IGSF8: variants seen among roughly 807,000 people sequenced by gnomAD.
IGSF8 encodes the protein immunoglobulin superfamily member 8.
A neutral mutation model predicts 55.5 loss-of-function variants in IGSF8; 46 were observed. The observed-to-expected ratio is 0.83, with a 90% CI of 0.65 to 1.06. IGSF8 has a LOEUF of 1.06. Ranked by LOEUF, IGSF8 falls within the 50% of genes least tolerant of loss-of-function variation. IGSF8 has a pLI of 0.00. For synonymous variants in IGSF8, 314 were observed against 356.1 expected (o/e 0.88, Z 1.33); for missense variants, 731 against 832.3 (o/e 0.88, Z 1.50).
In IGSF8 at chr1:160,092,977, C is replaced by T. The variant is rs767148569; in HGVS notation, c.1259G>A (p.Arg420His). The T allele has an allele frequency of 5.5e-5, 88 of 1,611,054 alleles. No homozygotes were observed. Among genetic ancestry groups the T allele is most frequent in the African/African-American group, 1.2e-4 (9 of 74,878 alleles). ...AYVRGSGTRL[R>H]EAASARSRPL... ...CCGGGAACGGGCACTGGCTGCTTCA[C>T]GAAGCCGGGTCCCAGACCCTCGAAC... Residue 420 changes from arginine to histidine, a missense_variant, in exon 4 of 7, where the codon CGT becomes CAT. Transcript: ENST00000314485.
At chr1:160,093,645 C>T in intron 3 of IGSF8, 65 bp downstream of exon 3, 1 of 1,331,752 alleles carries the variant, frequency 7.5e-7, no homozygotes, top group Non-Finnish European at 1.0e-6. Flanking sequence ...CCCCCTGTGG[C>T]CACAGTGCCC....
chr1:160,097,579 T>C (rs1236631577), intron 1 of IGSF8: 1 of 547,838 alleles, frequency 1.8e-6, no homozygotes, highest in African/African-American at 2.1e-5. Flanking sequence ...AGTTTCACTG[T>C]CTCCATGCCA....
chr1:160,094,199 G>C lies in IGSF8; in HGVS notation c.443-28C>G. On this transcript the variant is annotated intron_variant, in intron 2 of 6. Coordinates refer to ENST00000314485, the MANE Select transcript of IGSF8 (RefSeq NM_052868.6). This position sits in a 1 kb window ranked among gnomAD's most constrained non-coding sequence, Gnocchi z 4.0. ...GGAGAGAACAGCTGGAGTGAGGGAGGGCTGGGAGCTGGCAGCCCTTGTTAC... is the reference window on the plus strand; with the variant it reads ...GGAGAGAACAGCTGGAGTGAGGGAGCGCTGGGAGCTGGCAGCCCTTGTTAC... 2.0e-6 allele frequency: 3 copies of C among 1,471,588 alleles called. No homozygotes were observed. The highest frequency in any genetic ancestry group is 2.8e-6 in the Non-Finnish European group (3 of 1,080,884). The allele number at this position is 1,471,588 out of a possible 1,614,324, so 91.2% of individuals were successfully genotyped here. A position where few individuals can be genotyped will look rare whatever the true frequency, so the allele number is the denominator to read the frequency against.
chr1:160,097,302 CA>C (rs1650499310), intron 1 of IGSF8, among the ~76,000 whole-genome samples: 1 of 152,218 alleles, frequency 6.6e-6, no homozygotes, highest in African/African-American at 2.4e-5. Context: ...CTAGGCAACC[CA>C]GGCCCCACAG....
At chr1:160,091,975 A>G (rs1213730517) in intron 5 of IGSF8, 37 bp from the exon 6 acceptor site, 1 of 1,360,288 alleles carries the variant, frequency 7.4e-7, no homozygotes, top group Non-Finnish European at 1.1e-6. Flanking sequence ...AGAGGATGCC[A>G]TCATCCTCCA....
At position 160,095,249 on chromosome 1, in the gene IGSF8, G is replaced by T; in HGVS notation, c.65-3C>A. The stretch of plus-strand genomic sequence containing the variant: ...CTCCCGGGCCCAGCATCCCATTCCT[G>T]TAGGGAAAGGCAGAAGGAGTTGGAG... On this transcript the variant is annotated splice_polypyrimidine_tract_variant and splice_region_variant and intron_variant, in intron 1 of 6. Transcript: ENST00000314485. 1 of 1,597,720 alleles carries T rather than the reference G, an allele frequency of 6.3e-7. No homozygotes were observed. Among genetic ancestry groups the T allele is most frequent in the Non-Finnish European group, 8.5e-7 (1 of 1,177,258 alleles).
chr1:160,091,616 G>A lies in IGSF8; in HGVS notation c.*16-8C>T. 1.7e-6 allele frequency: 1 copy of A among 579,070 alleles called. No homozygotes were observed. The highest frequency in any genetic ancestry group is 3.1e-6 in the Non-Finnish European group (1 of 319,578). 35.9% of individuals were successfully genotyped at this position (579,070 alleles called of 1,614,324 possible). A position where few individuals can be genotyped will look rare whatever the true frequency, so the allele number is the denominator to read the frequency against. ...AGTCGACACCTGCAAGACCTGAAAAGGGTGCCCGGTGTGGGCTAAGGACAG... is the reference window on the plus strand; with the variant it reads ...AGTCGACACCTGCAAGACCTGAAAAAGGTGCCCGGTGTGGGCTAAGGACAG... On this transcript the variant is annotated splice_region_variant and splice_polypyrimidine_tract_variant and intron_variant, in intron 6 of 6. Transcript: ENST00000314485.
chr1:160,093,825 C>A lies in IGSF8; in HGVS notation c.789G>T (p.Gly263=). The A allele has an allele frequency of 6.2e-7, 1 of 1,614,102 alleles. No homozygotes were observed. Among genetic ancestry groups the A allele is most frequent in the Non-Finnish European group, 8.5e-7 (1 of 1,179,942 alleles). The part of the protein sequence containing the change: ...YRMVVGGAQA[G]DAGTYHCTAA... ...CAGTGCAGTGGTAGGTGCCTGCGTC[C>A]CCTGCCTGGGCACCCCCTACTACCA... is the stretch of plus-strand genomic sequence containing the variant. Residue 263 remains glycine, a synonymous_variant, in exon 3 of 7, where the codon GGG becomes GGT. Transcript: ENST00000314485.
At chr1:160,096,177 A>G (rs1218486850) in intron 1 of IGSF8, among the ~76,000 whole-genome samples, 4 of 152,032 alleles carry the variant, frequency 2.6e-5, no homozygotes, top group Non-Finnish European at 5.9e-5. Context: ...TACTCCTGGC[A>G]GACTTAGAGG....
rs993753024 is a variant in IGSF8, at chr1:160,098,493, G to T, written c.-21C>A. On this transcript the variant is annotated 5_prime_UTR_variant, in exon 1 of 7. Transcript: ENST00000314485. ...CCCATCCTGCGCGGCCAGCTCTGGG[G>T]AGGCTCCGGGGGATGGCGCGGGTTC... 1.3e-6 allele frequency: 2 copies of T among 1,526,672 alleles called. No individual in the cohort carries two copies. Among genetic ancestry groups the T allele is most frequent in the Non-Finnish European group, 1.8e-6 (2 of 1,137,648 alleles). The allele number at this position is 1,526,672 out of a possible 1,614,324, so 94.6% of individuals were successfully genotyped here.
chr1:160,095,703 T>C (rs748687922), intron 1 of IGSF8, among the ~76,000 whole-genome samples: 4 of 152,202 alleles, frequency 2.6e-5, no homozygotes, highest in African/African-American at 4.8e-5. Context: ...GCAGTCTTGC[T>C]CAGAAGTGCT....
rs1408630818 is a variant in IGSF8, at chr1:160,091,804, T to A, written c.*15+4A>T. On this transcript the variant is annotated splice_donor_region_variant and intron_variant, in intron 6 of 6. Transcript: ENST00000314485. ...AACAAGGTTGGGGGGTTCTTTTCCC[T>A]CACCTGGGGAGTAAGGGATCACCGT... is the stretch of plus-strand genomic sequence containing the variant. The A allele has an allele frequency of 2.5e-6, 4 of 1,575,052 alleles. No homozygotes were observed. In the South Asian group the frequency reaches 4.4e-5, roughly 17 times the overall value.
At chr1:160,093,570 T>A in intron 3 of IGSF8, 140 bp downstream of exon 3, 1 of 816,430 alleles carries the variant, frequency 1.2e-6, no homozygotes, top group Middle Eastern at 2.6e-4. Flanking sequence ...GGGAGAGAAA[T>A]GCTAGCAAGG....
chr1:160,097,764 G>C, intron 1 of IGSF8: 1 of 985,446 alleles, frequency 1.0e-6, no homozygotes. Flanking sequence ...CATGGAACCT[G>C]GTTTCTCCTG....
rs1410903798 is a variant in IGSF8 at position 160,091,787 on chromosome 1, TG to T, written c.*15+20del. ...GTGGGAAGCCCAATGAAAACAAGGT[TG>T]GGGGGTTCTTTTCCCTCACCTGGGG... On this transcript the variant is annotated intron_variant, in intron 6 of 6. Transcript: ENST00000314485. 1.4e-6 allele frequency: 2 copies of T among 1,476,616 alleles called. No homozygotes were observed. Among genetic ancestry groups the T allele is most frequent in the Non-Finnish European group, 1.9e-6 (2 of 1,054,540 alleles). The allele number at this position is 1,476,616 out of a possible 1,614,324, so 91.5% of individuals were successfully genotyped here.
Position 160,093,834 on chromosome 1 carries a change from G to A in IGSF8, c.780C>T (p.Ala260=). The change falls in exon 3 of 7, where the codon GCC becomes GCT. Residue 260 remains alanine, a synonymous_variant. Coordinates refer to ENST00000314485, the MANE Select transcript of IGSF8 (RefSeq NM_052868.6). ...TDRYRMVVGG[A]QAGDAGTYHC... ...GGTAGGTGCCTGCGTCCCCTGCCTGGGCACCCCCTACTACCATGCGGTACC... is the reference window on the plus strand; with the variant it reads ...GGTAGGTGCCTGCGTCCCCTGCCTGAGCACCCCCTACTACCATGCGGTACC... 6.2e-7 allele frequency: 1 copy of A among 1,614,132 alleles called. No individual in the cohort carries two copies. The highest frequency in any genetic ancestry group is 8.5e-7 in the Non-Finnish European group (1 of 1,180,006).
intron 6 of IGSF8, 70 bp from the exon 7 acceptor site, chr1:160,091,678 C>G: frequency 1.5e-6 from 1 of 673,686 alleles, no homozygotes; most frequent in Non-Finnish European, 2.7e-6. Flanking sequence ...GCCTCCACCC[C>G]TTAACAGGGC....
rs778667138 is a variant in IGSF8 at position 160,093,809 on chromosome 1, G to A, written c.805C>T (p.His269Tyr). 10 of 1,614,074 alleles carry A rather than the reference G, an allele frequency of 6.2e-6. No homozygotes were observed. The highest frequency in any genetic ancestry group is 7.6e-6 in the Non-Finnish European group (9 of 1,179,966). The change falls in exon 3 of 7, where the codon CAC becomes TAC. Residue 269 changes from histidine to tyrosine, a missense_variant. His to Tyr is a moderately conservative substitution (Grantham distance 83). Coordinates refer to ENST00000314485, the MANE Select transcript of IGSF8 (RefSeq NM_052868.6). The stretch of plus-strand genomic sequence containing the variant: ...TGAATCCACTCAGCGGCAGTGCAGT[G>A]GTAGGTGCCTGCGTCCCCTGCCTGG... Reference protein sequence around the residue: ...GAQAGDAGTYHCTAAEWIQDP... With the variant: ...GAQAGDAGTYYCTAAEWIQDP...
At chr1:160,093,393 TC>T in intron 3 of IGSF8, 62 bp from the exon 4 acceptor site, 1 of 1,473,494 alleles carries the variant, frequency 6.8e-7, no homozygotes. Context: ...GGCACCCGAT[TC>T]CCCAACTTCC....
Sources: gnomAD v4.1 joint callset for allele counts (sites outside exome capture counted in the v4.1 genomes callset) on GRCh38, gnomAD v4.1.1 for gene constraint, Gnocchi (gnomAD v3.1) non-coding constraint, MANE v1.5 for transcripts, NCBI Gene and HGNC (gene_info 2026-07-23, HGNC 2026-07-21) for gene names.